PDE11A: variants seen among roughly 807,000 people sequenced by gnomAD.
PDE11A encodes dual 3',5'-cyclic-AMP and -GMP phosphodiesterase 11A.
PDE11A carries 100 observed loss-of-function variants against 100.5 expected under a neutral mutation model. That is an observed-to-expected ratio of 1.00 (90% CI 0.85 to 1.18). PDE11A has a LOEUF of 1.18. PDE11A is among the 50% of genes most tolerant of loss of function. PDE11A has a pLI of 0.00. For synonymous variants in PDE11A, 381 were observed against 420.8 expected (o/e 0.91, Z 1.16); for missense variants, 1,141 against 1,152.6 (o/e 0.99, Z 0.15).
At chr2:177,858,020 G>A (rs1370260605) in intron 5 of PDE11A, among the ~76,000 whole-genome samples, 1 of 151,982 alleles carries the variant, frequency 6.6e-6, no homozygotes, top group Non-Finnish European at 1.5e-5. Context: ...TTTAATAAAT[G>A]GTGCTGGGAA....
At chr2:177,647,648 G>C (rs181850872) in intron 19 of PDE11A, among the ~76,000 whole-genome samples, 1 of 152,228 alleles carries the variant, frequency 6.6e-6, no homozygotes, top group East Asian at 1.9e-4. Context: ...GAGACGGGGA[G>C]GAACCATCAA....
At chr2:177,639,090 C>G (rs1245881976) in intron 19 of PDE11A, among the ~76,000 whole-genome samples, 1 of 152,200 alleles carries the variant, frequency 6.6e-6, no homozygotes, top group Non-Finnish European at 1.5e-5. Flanking sequence ...TCACTGGGCT[C>G]TGCCTGGATT....
chr2:178,087,384 T>C (rs1312136862), intron 2 of PDE11A, among the ~76,000 whole-genome samples: 1 of 151,530 alleles, frequency 6.6e-6, no homozygotes, highest in Non-Finnish European at 1.5e-5. Flanking sequence ...GTCGTATATA[T>C]ACACAATTGA....
At chr2:178,049,825 G>A (rs1217908185) in intron 1 of PDE11A, among the ~76,000 whole-genome samples, 1 of 152,174 alleles carries the variant, frequency 6.6e-6, no homozygotes, top group South Asian at 2.1e-4. Context: ...CATTGCTGAG[G>A]CTTGAGTAGG....
At chr2:177,854,702 A>G (rs2083798969) in intron 5 of PDE11A, among the ~76,000 whole-genome samples, 1 of 152,110 alleles carries the variant, frequency 6.6e-6, no homozygotes, top group Non-Finnish European at 1.5e-5. Flanking sequence ...ACTTTGTAAC[A>G]ATGAAGCTTC....
intron 2 of PDE11A, among the ~76,000 whole-genome samples, chr2:177,935,214 A>G (rs947702547): frequency 2.6e-5 from 4 of 152,188 alleles, no homozygotes; most frequent in African/African-American, 9.7e-5. Context: ...TGTCTCTCTT[A>G]GTCTTTTTGA....
intron 9 of PDE11A, among the ~76,000 whole-genome samples, chr2:177,803,243 C>T (rs193010177): frequency 1.4e-4 from 21 of 151,644 alleles, no homozygotes; most frequent in African/African-American, 4.3e-4. Context: ...AAAGCAGAAT[C>T]TTAGATTAGA....
rs755633047 is a variant in PDE11A at position 177,753,018 on chromosome 2, G to C, written c.1788+16305C>G. ...CATTTTGCTGCTCTGAACTGGGAAA[G>C]AGCAGATGCCCAGGTGAATGGCAGT... On this transcript the variant is annotated intron_variant, in intron 10 of 19. Coordinates refer to ENST00000286063, the MANE Select transcript of PDE11A (RefSeq NM_016953.4). 2.6e-4 allele frequency among the ~76,000 whole-genome samples: 40 copies of C among 152,198 alleles called. 1 individual carries two copies. Among genetic ancestry groups the C allele is most frequent in the Non-Finnish European group, 5.3e-4 (36 of 68,030 alleles).
chr2:177,749,193 T>TTTTGTTTG (rs4019842), intron 10 of PDE11A, among the ~76,000 whole-genome samples: 14,530 of 149,792 alleles, frequency 0.097, 909 homozygotes, highest in East Asian at 0.19. Flanking sequence ...AATACAGGAG[T>TTTTGTTTG]TTTGTTTGTT....
intron 2 of PDE11A, among the ~76,000 whole-genome samples, chr2:177,981,671 A>T (rs2105803500): frequency 6.6e-6 from 1 of 150,926 alleles, no homozygotes; most frequent in South Asian, 2.2e-4. Context: ...TGGGGTTAGT[A>T]CTTCAACTTA....
At chr2:177,811,680 G>A (rs2082951136) in intron 9 of PDE11A, among the ~76,000 whole-genome samples, 2 of 151,934 alleles carry the variant, frequency 1.3e-5, no homozygotes, top group South Asian at 4.2e-4. Flanking sequence ...GGGAAGCTTT[G>A]TCCTTGGAGA....
chr2:177,630,548 T>C (rs1574078033), intron 19 of PDE11A, among the ~76,000 whole-genome samples: 1 of 152,162 alleles, frequency 6.6e-6, no homozygotes, highest in Non-Finnish European at 1.5e-5. Flanking sequence ...GGAGCTCAGA[T>C]TAAAGAGCAA....
chr2:177,741,367 C>T (rs1158102647), intron 10 of PDE11A, among the ~76,000 whole-genome samples: 1 of 152,156 alleles, frequency 6.6e-6, no homozygotes, highest in Non-Finnish European at 1.5e-5. Flanking sequence ...CTTCATTTAG[C>T]CTTAATGACC....
chr2:178,018,363 A>G, intron 1 of PDE11A: 1 of 22,754 alleles, frequency 4.4e-5, no homozygotes, highest in Non-Finnish European at 1.4e-4. Context: ...CTGCCAAGGC[A>G]GGCCTTTTGG....
In PDE11A at chr2:177,727,725, C is replaced by T. The variant is rs760731175; in HGVS notation, c.1976G>A (p.Arg659Gln). 33 of 1,611,642 alleles carry T rather than the reference C, an allele frequency of 2.0e-5. No homozygotes were observed. Among genetic ancestry groups the T allele is most frequent in the African/African-American group, 6.7e-5 (5 of 74,788 alleles). ...TCTCCAGTTGTGGTATAGAACCATC[C>T]GATAGTTTTTCCTCACTGTCAAAAG... is the stretch of plus-strand genomic sequence containing the variant. Reference protein sequence around the residue: ...RWLLTVRKNYRMVLYHNWRHA... With the variant: ...RWLLTVRKNYQMVLYHNWRHA... The change falls in exon 12 of 20, where the codon CGG (arginine) becomes CAG (glutamine). Residue 659 changes from arginine (R) to glutamine (Q), a missense_variant. Coordinates refer to ENST00000286063, the MANE Select transcript of PDE11A (RefSeq NM_016953.4).
intron 10 of PDE11A, 44 bp from the exon 11 acceptor site, chr2:177,728,216 TC>T (rs1461458421): frequency 6.3e-7 from 1 of 1,592,986 alleles, no homozygotes; most frequent in East Asian, 2.2e-5. Flanking sequence ...TCACCAGCTT[TC>T]CCAAACCCCC....
intron 13 of PDE11A, among the ~76,000 whole-genome samples, chr2:177,704,197 T>C (rs1447388703): frequency 6.6e-6 from 1 of 152,166 alleles, no homozygotes; most frequent in Non-Finnish European, 1.5e-5. Context: ...TAAGACATGT[T>C]CTGACCTTCA....
At chr2:177,658,115 G>C (rs953886178) in intron 19 of PDE11A, among the ~76,000 whole-genome samples, 2 of 152,142 alleles carry the variant, frequency 1.3e-5, no homozygotes, top group African/African-American at 4.8e-5. Flanking sequence ...CCAGAGTTGC[G>C]ACCAGCCACC....
intron 2 of PDE11A, chr2:177,998,513 C>T (rs371904863): frequency 7.2e-7 from 1 of 1,387,130 alleles, no homozygotes; most frequent in Non-Finnish European, 1.0e-6. Context: ...TAAATTGAGG[C>T]AGTTCTTTAA....
Sources: allele counts gnomAD v4.1 joint callset (sites outside exome capture counted in the v4.1 genomes callset), GRCh38; gene constraint gnomAD v4.1.1; transcripts MANE v1.5; gene names NCBI Gene and HGNC (gene_info 2026-07-23, HGNC 2026-07-21).